The following SELP variants were observed in gnomAD, a reference collection of about 807,000 sequenced individuals.
SELP encodes P-selectin.
A neutral mutation model predicts 104.1 loss-of-function variants in SELP; 92 were observed. The ratio of observed to expected loss-of-function variants is 0.88; its 90% CI spans 0.75 to 1.05. The LOEUF is 1.05. SELP is among the 50% of genes least tolerant of loss of function. SELP has a pLI of 0.00. For missense variants in SELP, 1,022 were observed against 1,017.3 expected, an observed-to-expected ratio of 1.00 and a Z score of -0.06; for synonymous variants, 397 against 364.5, an observed-to-expected ratio of 1.09 and a Z score of -1.01.
At chr1:169,610,153 TA>T (rs1450503551) in intron 7 of SELP, among the ~76,000 whole-genome samples, 28 of 151,156 alleles carry the variant, frequency 1.9e-4, no homozygotes, top group Non-Finnish European at 2.7e-4. Context: ...GAAAAGAGTA[TA>T]TACAGGAAAA....
intron 1 of SELP, among the ~76,000 whole-genome samples, chr1:169,626,814 CCTCCTGAGTAA>C (rs958882753): frequency 2.2e-4 from 33 of 152,224 alleles, no homozygotes; most frequent in Admixed American, 1.8e-3. Flanking sequence ...CCCATCTCAG[CCTCCTGAGTAA>C]CTGGGACTAC....
chr1:169,606,861 T>A (rs1662228895), intron 9 of SELP, 88 bp downstream of exon 9: 2 of 1,186,448 alleles, frequency 1.7e-6, no homozygotes, highest in Non-Finnish European at 2.4e-6. Context: ...TCAAGGTGGA[T>A]CTTACATAGT....
chr1:169,606,769 C>T (rs3917753), intron 9 of SELP, among the ~76,000 whole-genome samples, 180 bp downstream of exon 9: 3,576 of 152,180 alleles, frequency 0.023, 138 homozygotes, highest in African/African-American at 0.076. Flanking sequence ...TCTGCCTATC[C>T]CCCGGAGGCA....
chr1:169,627,803 A>C (rs1334233368), intron 1 of SELP, among the ~76,000 whole-genome samples: 1 of 152,234 alleles, frequency 6.6e-6, no homozygotes, highest in African/African-American at 2.4e-5. Flanking sequence ...AAAACAGGTA[A>C]TGAAAAGAAG....
chr1:169,612,560 G>T (rs1156903235), intron 5 of SELP, among the ~76,000 whole-genome samples, 158 bp from the exon 6 acceptor site: 2 of 151,780 alleles, frequency 1.3e-5, no homozygotes, highest in Non-Finnish European at 2.9e-5. Context: ...TGCTTGGAAA[G>T]ATCAAACACC....
At chr1:169,590,263 C>A in intron 15 of SELP, 61 bp from the exon 16 acceptor site, 1 of 1,205,536 alleles carries the variant, frequency 8.3e-7, no homozygotes, top group Non-Finnish European at 1.2e-6. Flanking sequence ...CAACACAGTC[C>A]AACACATAGT....
chr1:169,599,888 G>A (rs554624020), intron 10 of SELP, among the ~76,000 whole-genome samples: 137 of 152,256 alleles, frequency 9.0e-4, no homozygotes, highest in Non-Finnish European at 1.7e-3. Context: ...CCCTCCCCAC[G>A]CAGTGAAAAT....
chr1:169,591,193 C>G (rs939038481), intron 15 of SELP, among the ~76,000 whole-genome samples: 1 of 152,130 alleles, frequency 6.6e-6, no homozygotes, highest in African/African-American at 2.4e-5. Context: ...GGCACAGCGC[C>G]TAAGTTTTTG....
intron 1 of SELP, among the ~76,000 whole-genome samples, chr1:169,620,086 T>A (rs971628969): frequency 6.6e-6 from 1 of 151,942 alleles, no homozygotes; most frequent in Non-Finnish European, 1.5e-5. Context: ...CGGGTGCTTG[T>A]AATCCCAGCT....
rs1262425931 is a variant in SELP at position 169,596,141 on chromosome 1, T to C, written c.1892-7A>G. 1 of 1,612,800 alleles carries C rather than the reference T, an allele frequency of 6.2e-7. No homozygotes were observed. The highest frequency in any genetic ancestry group is 1.7e-5 in the Admixed American group (1 of 59,914). On this transcript the variant is annotated splice_region_variant and splice_polypyrimidine_tract_variant and intron_variant, in intron 11 of 16. Transcript: ENST00000263686. ...GTAGGAAGTGATGCTATGCCTGTTG[T>C]GAGAAAATGTTTCCATTCAGAGACC... is the stretch of plus-strand genomic sequence containing the variant.
chr1:169,604,421 A>G (rs1373001655), intron 9 of SELP, among the ~76,000 whole-genome samples: 1 of 152,004 alleles, frequency 6.6e-6, no homozygotes, highest in Admixed American at 6.6e-5. Context: ...CTCTGATGGT[A>G]GTTTCTTTTG....
chr1:169,619,322 A>G (rs1662977937), intron 1 of SELP, 103 bp from the exon 2 acceptor site: 3 of 838,528 alleles, frequency 3.6e-6, no homozygotes, highest in East Asian at 2.6e-5. Flanking sequence ...AATTGTGCCA[A>G]TTTCCACTGG....
At chr1:169,602,630 T>G (rs1455423473) in intron 10 of SELP, among the ~76,000 whole-genome samples, 4 of 152,192 alleles carry the variant, frequency 2.6e-5, no homozygotes, top group Non-Finnish European at 4.4e-5. Flanking sequence ...AATTTTTTTT[T>G]GAGACAGAGT....
chr1:169,597,160 T>C lies in SELP; in HGVS notation c.1722A>G (p.Glu574=), dbSNP rs1356119516. 1 of 1,596,244 alleles carries C rather than the reference T, an allele frequency of 6.3e-7. No homozygotes were observed. Among genetic ancestry groups the C allele is most frequent in the Admixed American group, 1.7e-5 (1 of 58,168 alleles). ...PPMCEAIKCP[E]LFAPEQGSLD... ...GGCTGCCCTGCTCTGGGGCAAAGAG[T>C]TCTGGGCACTTGATGGCTAGAGTAT... The change falls in exon 11 of 17, where the codon GAA becomes GAG. Residue 574 remains glutamate (E), a synonymous_variant. Transcript: ENST00000263686.
At chr1:169,619,098 G>C (rs915113418) in intron 2 of SELP, 31 bp downstream of exon 2, 1 of 1,546,738 alleles carries the variant, frequency 6.5e-7, no homozygotes. Flanking sequence ...TAATTACTTA[G>C]GCCTAAGTGA....
At chr1:169,612,140 G>A in intron 6 of SELP, 77 bp downstream of exon 6, 2 of 1,444,496 alleles carry the variant, frequency 1.4e-6, no homozygotes, top group East Asian at 4.6e-5. Flanking sequence ...TTCTCCATAA[G>A]CTGGTCAATT....
intron 16 of SELP, 43 bp downstream of exon 16, chr1:169,590,104 T>C: frequency 7.6e-7 from 1 of 1,315,508 alleles, no homozygotes; most frequent in Non-Finnish European, 1.1e-6. Flanking sequence ...CATTTTTCCC[T>C]AGTGTTCTAT....
chr1:169,613,062 G>A lies in SELP; in HGVS notation c.642C>T (p.Ser214=). ...TAAAAGAGAAGTTTCCCAGAGGGTGGCTGCAGTTCATGAGCACGTGTTGAG... is the reference window on the plus strand; with the variant it reads ...TAAAAGAGAAGTTTCCCAGAGGGTGACTGCAGTTCATGAGCACGTGTTGAG... The part of the protein sequence containing the change: ...ELPQHVLMNC[S]HPLGNFSFNS... The change falls in exon 5 of 17, where the codon AGC becomes AGT. Residue 214 remains serine, a synonymous_variant. Transcript: ENST00000263686. 6.2e-7 allele frequency: 1 copy of A among 1,613,584 alleles called. No individual in the cohort carries two copies. The highest frequency in any genetic ancestry group is 2.2e-5 in the East Asian group (1 of 44,860).
At chr1:169,627,627 A>G (rs191460143) in intron 1 of SELP, among the ~76,000 whole-genome samples, 132 of 152,320 alleles carry the variant, frequency 8.7e-4, no homozygotes, top group African/African-American at 3.1e-3. Flanking sequence ...CCTACTCTCT[A>G]GGTTTAGGTC....
Sources: allele counts gnomAD v4.1 joint callset (sites outside exome capture counted in the v4.1 genomes callset), GRCh38; gene constraint gnomAD v4.1.1; transcripts MANE v1.5; gene names NCBI Gene and HGNC (gene_info 2026-07-23, HGNC 2026-07-21).